PI4KB: variants seen among roughly 807,000 people sequenced by gnomAD.
PI4KB encodes the protein PtdIns 4-kinase beta.
Under a neutral mutation model 81.4 loss-of-function variants are expected in PI4KB, and 23 were observed. That is an observed-to-expected ratio of 0.28 (90% confidence interval 0.20 to 0.40). The LOEUF (loss-of-function observed/expected upper bound fraction) is 0.40, where lower values mean the gene tolerates loss of function less well. Ranked by LOEUF, PI4KB falls within the 10% of genes least tolerant of loss-of-function variation. The pLI, the probability that PI4KB is intolerant of heterozygous loss-of-function variation, is 1.00. For missense variants in PI4KB, 651 were observed against 1,036.6 expected (o/e 0.63, Z 5.11); for synonymous variants, 381 against 406.8 (o/e 0.94, Z 0.76).
intron 2 of PI4KB, among the ~76,000 whole-genome samples, chr1:151,314,319 G>A (rs1445574559): frequency 6.6e-6 from 1 of 152,210 alleles, no homozygotes; most frequent in East Asian, 1.9e-4. Flanking sequence ...TGGAAGCCAG[G>A]ATGGGAGCCT....
In PI4KB at chr1:151,319,197, G is replaced by A. The variant is rs1285822214; in HGVS notation, c.-28-2688C>T. On this transcript the variant is annotated intron_variant, in intron 1 of 11. Transcript: ENST00000368873. ...CTCAATATATGCTAGTTGAGGCCGGGCACAGTGACTCATGCCTGTAATCCC... is the reference window on the plus strand; with the variant it reads ...CTCAATATATGCTAGTTGAGGCCGGACACAGTGACTCATGCCTGTAATCCC... Among the ~76,000 whole-genome samples, 3 of 152,116 alleles carry A rather than the reference G, an allele frequency of 2.0e-5. No homozygotes were observed. The East Asian group carries it at 5.8e-4, about 29-fold the overall frequency.
chr1:151,301,752 T>C, intron 8 of PI4KB, 92 bp downstream of exon 8: 1 of 1,242,792 alleles, frequency 8.0e-7, no homozygotes, highest in East Asian at 2.4e-5. Flanking sequence ...CAGGCTGATC[T>C]TGAACTCCCG....
chr1:151,318,005 G>A (rs1249480777), intron 1 of PI4KB, among the ~76,000 whole-genome samples: 4 of 151,940 alleles, frequency 2.6e-5, no homozygotes, highest in Admixed American at 6.6e-5. Context: ...TGCAGATGGC[G>A]TCTTGCTGTG....
In PI4KB at chr1:151,295,144, AAG is replaced by A. The variant is rs777046022; in HGVS notation, c.2016-605_2016-604del. Among the ~76,000 whole-genome samples the A allele has an allele frequency of 3.9e-5, 6 of 152,356 alleles. No homozygotes were observed. In the South Asian group the frequency reaches 1.2e-3, roughly 32 times the overall value. On this transcript the variant is annotated intron_variant, in intron 9 of 11. Coordinates refer to ENST00000368873, the MANE Select transcript of PI4KB (RefSeq NM_001369623.2). ...AGGCAGTACTACAGGGCAGCTGTAG[AAG>A]AGTTAAAGGGAGATAAATCCCAGGT...
At chr1:151,309,022 T>G (rs1696005911) in intron 3 of PI4KB, among the ~76,000 whole-genome samples, 1 of 152,186 alleles carries the variant, frequency 6.6e-6, no homozygotes, top group Non-Finnish European at 1.5e-5. Context: ...GGGAGATGGT[T>G]CAGAGTGCCA....
At chr1:151,298,566 C>T in intron 9 of PI4KB, 1 of 538,482 alleles carries the variant, frequency 1.9e-6, no homozygotes, top group Non-Finnish European at 3.3e-6. Context: ...CCTTGAAGAC[C>T]CTGCTCACTC....
chr1:151,301,311 G>A (rs1471096167), intron 8 of PI4KB, among the ~76,000 whole-genome samples: 1 of 152,164 alleles, frequency 6.6e-6, no homozygotes, highest in Non-Finnish European at 1.5e-5. Context: ...TGCCTCCTGG[G>A]TTCAAGCTAT....
At chr1:151,309,349 T>G (rs934282185) in intron 3 of PI4KB, among the ~76,000 whole-genome samples, 4 of 152,062 alleles carry the variant, frequency 2.6e-5, no homozygotes, top group African/African-American at 9.7e-5. Flanking sequence ...CTAAGTTACG[T>G]GAGCATGTTA....
rs1287547520 is a variant in PI4KB, at chr1:151,291,888, T to G, written c.*964A>C. On this transcript the variant is annotated 3_prime_UTR_variant, in exon 12 of 12. Transcript: ENST00000368873. ...GGAGAAAACCAGACCATTAAAACTG[T>G]TTGTGGTCGAATCTCCATTCAGGCC... The G allele has an allele frequency of 6.6e-6, 1 of 152,308 alleles. No homozygotes were observed. The highest frequency in any genetic ancestry group is 2.4e-5 in the African/African-American group (1 of 41,382). 9.4% of individuals were successfully genotyped at this position (152,308 alleles called of 1,614,324 possible).
chr1:151,292,957 C>A lies in PI4KB; in HGVS notation c.2346G>T (p.Glu782Asp). 6 of 1,614,158 alleles carry A rather than the reference C, an allele frequency of 3.7e-6. No homozygotes were observed. The highest frequency in any genetic ancestry group is 5.1e-6 in the Non-Finnish European group (6 of 1,180,006). The change falls in exon 12 of 12, where the codon GAG becomes GAT. Residue 782 changes from glutamate (E) to aspartate (D), a missense_variant. Glu to Asp is a conservative substitution (Grantham distance 45). Transcript: ENST00000368873. ...GCTCCACCAGCAGCTGCAGCTGCTCCTCAGTCATGCTCATGTGGAACCTCT... is the reference window on the plus strand; with the variant it reads ...GCTCCACCAGCAGCTGCAGCTGCTCATCAGTCATGCTCATGTGGAACCTCT... ...LKERFHMSMT[E>D]EQLQLLVEQM... is the part of the protein sequence containing the mutation.
At chr1:151,312,723 T>C (rs1168495073) in intron 2 of PI4KB, among the ~76,000 whole-genome samples, 1 of 152,202 alleles carries the variant, frequency 6.6e-6, no homozygotes, top group Non-Finnish European at 1.5e-5. Flanking sequence ...ATCCTCAAAA[T>C]GCCAAAGGGG....
Position 151,311,307 on chromosome 1 carries a change from C to G in PI4KB, c.910-1052G>C, listed in dbSNP as rs587744362. Among the ~76,000 whole-genome samples the G allele has an allele frequency of 2.0e-5, 3 of 152,254 alleles. No individual in the cohort carries two copies. In the East Asian group the frequency reaches 5.8e-4, roughly 29 times the overall value. On this transcript the variant is annotated intron_variant, in intron 2 of 11. Coordinates refer to ENST00000368873, the MANE Select transcript of PI4KB (RefSeq NM_001369623.2). Reference sequence around the variant, plus strand: ...GGAGGTTAGACTTAAAAGACAAAGTCCTAAGAGCTCCCAGGGCAGGAGGGC... The same window carrying G: ...GGAGGTTAGACTTAAAAGACAAAGTGCTAAGAGCTCCCAGGGCAGGAGGGC...
intron 7 of PI4KB, 96 bp downstream of exon 7, chr1:151,302,098 T>G (rs938113709): frequency 6.4e-7 from 1 of 1,560,316 alleles, no homozygotes. Context: ...CCTGACAGAT[T>G]TTTTTGGAGG....
At chr1:151,293,222 A>G (rs1279405800) in intron 11 of PI4KB, 189 bp from the exon 12 acceptor site, 1 of 985,306 alleles carries the variant, frequency 1.0e-6, no homozygotes. Context: ...CCCCACGCCT[A>G]AGCCCTTCTG....
chr1:151,318,410 T>C (rs1285043780), intron 1 of PI4KB, among the ~76,000 whole-genome samples: 3 of 127,884 alleles, frequency 2.3e-5, no homozygotes, highest in Admixed American at 8.0e-5. Flanking sequence ...AGTGAGACTC[T>C]GTCTCAAAAA....
intron 9 of PI4KB, among the ~76,000 whole-genome samples, chr1:151,297,347 ATTT>A (rs1234220289): frequency 1.5e-5 from 2 of 133,368 alleles, no homozygotes; most frequent in Non-Finnish European, 1.6e-5. Flanking sequence ...TGTTGGCTAG[ATTT>A]TTTTTTTTTT....
intron 9 of PI4KB, among the ~76,000 whole-genome samples, chr1:151,295,065 G>A (rs775531133): frequency 3.3e-5 from 5 of 152,240 alleles, no homozygotes; most frequent in Non-Finnish European, 7.3e-5. Flanking sequence ...GTAAAATAGC[G>A]TGGGGGCTTC....
chr1:151,298,589 C>T, intron 9 of PI4KB: 1 of 596,584 alleles, frequency 1.7e-6, no homozygotes, highest in Non-Finnish European at 3.0e-6. Context: ...ACCCTTAGTC[C>T]TCCCATAAAT....
intron 11 of PI4KB, chr1:151,293,608 A>G (rs917941716): frequency 3.1e-6 from 1 of 319,178 alleles, no homozygotes; most frequent in Non-Finnish European, 6.3e-6. Context: ...GGAAGGAGAT[A>G]ATGATGAGAG....
Sources: allele counts gnomAD v4.1 joint callset (sites outside exome capture counted in the v4.1 genomes callset), GRCh38; gene constraint gnomAD v4.1.1; transcripts MANE v1.5; gene names NCBI Gene and HGNC (gene_info 2026-07-23, HGNC 2026-07-21).